Variants in LCOR observed in about 807,000 individuals in gnomAD.
LCOR encodes the protein ligand dependent nuclear receptor corepressor, also known as ligand-dependent corepressor.
A neutral mutation model predicts 64.4 loss-of-function variants in LCOR; 14 were observed. That is an observed-to-expected ratio of 0.22 (90% CI 0.14 to 0.34). The LOEUF is 0.34. Ranked by LOEUF, LCOR falls within the 10% of genes least tolerant of loss-of-function variation. LCOR has a pLI of 1.00. For synonymous variants in LCOR, 643 were observed against 642.5 expected (o/e 1.00, Z -0.01); for missense variants, 1,686 against 1,765.3 (o/e 0.96, Z 0.80).
chr10:96,971,910 A>G (rs1446074932), intron 7 of LCOR, among the ~76,000 whole-genome samples: 2 of 152,218 alleles, frequency 1.3e-5, no homozygotes, highest in Non-Finnish European at 2.9e-5. Flanking sequence ...GTGCCTACAC[A>G]TTCAGTTACA....
chr10:96,956,350 G>A (rs372547634), intron 7 of LCOR: 1 of 986,978 alleles, frequency 1.0e-6, no homozygotes, highest in African/African-American at 1.8e-5. Context: ...CTTTATCACT[G>A]CAAATTGGAA....
At chr10:96,848,454 T>G (rs1275847365) in intron 2 of LCOR, among the ~76,000 whole-genome samples, 4 of 152,182 alleles carry the variant, frequency 2.6e-5, no homozygotes, top group Non-Finnish European at 5.9e-5. Flanking sequence ...GGTCAGGAGT[T>G]GGAGACCAGC....
chr10:96,942,413 G>C (rs1055974853), intron 4 of LCOR, among the ~76,000 whole-genome samples: 9 of 152,066 alleles, frequency 5.9e-5, no homozygotes, highest in Admixed American at 4.6e-4. Context: ...GCTTTGGCTC[G>C]GCATCAGAGG....
At chr10:96,971,113 G>A (rs1439644758) in intron 7 of LCOR, among the ~76,000 whole-genome samples, 2 of 152,164 alleles carry the variant, frequency 1.3e-5, no homozygotes, top group Non-Finnish European at 2.9e-5. Context: ...AAGCCATTAT[G>A]TAAACCATTT....
chr10:96,847,181 C>T (rs1845644030), intron 2 of LCOR, among the ~76,000 whole-genome samples: 1 of 151,986 alleles, frequency 6.6e-6, no homozygotes, highest in Admixed American at 6.6e-5. Context: ...GAGGTCAAGC[C>T]TGCAGTGAGC....
At chr10:96,944,395 A>G (rs1847551706) in intron 5 of LCOR, 150 bp downstream of exon 5, 1 of 315,206 alleles carries the variant, frequency 3.2e-6, no homozygotes, top group Admixed American at 6.5e-5. Flanking sequence ...TCAAGTTCAA[A>G]TTGGAATTAG....
At chr10:96,956,000 G>A (rs1292465719) in intron 7 of LCOR, 25 of 1,521,272 alleles carry the variant, frequency 1.6e-5, no homozygotes, top group South Asian at 5.4e-5. Flanking sequence ...TTGCTTGCAC[G>A]TAATTTCATT....
chr10:96,965,522 C>G (rs556391349), intron 7 of LCOR, among the ~76,000 whole-genome samples: 1 of 150,328 alleles, frequency 6.7e-6, no homozygotes, highest in Non-Finnish European at 1.5e-5. Context: ...ATTAGCCGGG[C>G]GTGGTGGCGG....
At chr10:96,930,858 C>T (rs1210890066) in intron 4 of LCOR, among the ~76,000 whole-genome samples, 2 of 152,158 alleles carry the variant, frequency 1.3e-5, no homozygotes, top group Admixed American at 6.5e-5. Context: ...AAGGCCTTCA[C>T]CAGACACCGA....
intron 2 of LCOR, among the ~76,000 whole-genome samples, chr10:96,885,669 T>A (rs1408952996): frequency 6.6e-6 from 1 of 151,238 alleles, no homozygotes; most frequent in Non-Finnish European, 1.5e-5. Context: ...GTGCTGAGAT[T>A]ACAGGTGTGA....
chr10:96,952,721 C>T (rs1222364859), intron 7 of LCOR, among the ~76,000 whole-genome samples: 4 of 152,164 alleles, frequency 2.6e-5, no homozygotes, highest in African/African-American at 9.7e-5. Flanking sequence ...GACATTATTA[C>T]TTGCTCAGTT....
intron 2 of LCOR, among the ~76,000 whole-genome samples, chr10:96,906,675 A>G (rs1421160111): frequency 4.6e-5 from 7 of 152,148 alleles, no homozygotes; most frequent in African/African-American, 1.7e-4. Context: ...TGTATGTACA[A>G]TCAGTGGGGT....
intron 2 of LCOR, among the ~76,000 whole-genome samples, chr10:96,849,061 CTTTTTTTTTTTTTTTTTTTTT>C (rs67974828): frequency 5.9e-5 from 2 of 33,838 alleles, no homozygotes; most frequent in Non-Finnish European, 1.1e-4. Context: ...GGCTAATTGT[CTTTTTTTTTTTTTTTTTTTTT>C]TTTTTTTTTG....
chr10:96,878,553 A>G (rs925788250), intron 2 of LCOR, among the ~76,000 whole-genome samples: 4 of 152,138 alleles, frequency 2.6e-5, no homozygotes, highest in Admixed American at 1.3e-4. Context: ...ATTAACCAAG[A>G]AGGAGGAGAC....
chr10:96,900,680 A>G (rs1846618479), intron 2 of LCOR, among the ~76,000 whole-genome samples: 1 of 152,090 alleles, frequency 6.6e-6, no homozygotes, highest in Non-Finnish European at 1.5e-5. Context: ...TTCCCTTTTC[A>G]GGAGATCATT....
At chr10:96,947,371 GA>G (rs1847606537) in intron 5 of LCOR, among the ~76,000 whole-genome samples, 1 of 151,974 alleles carries the variant, frequency 6.6e-6, no homozygotes, top group African/African-American at 2.4e-5. Flanking sequence ...CCTTTCGGGG[GA>G]AAAAATTGCC....
At chr10:96,848,927 C>A (rs1426975416) in intron 2 of LCOR, among the ~76,000 whole-genome samples, 1 of 149,352 alleles carries the variant, frequency 6.7e-6, no homozygotes, top group East Asian at 2.0e-4. Flanking sequence ...TGTTTTTGTG[C>A]ATATAAAATA....
intron 5 of LCOR, 97 bp from the exon 6 acceptor site, chr10:96,948,911 A>C: frequency 1.1e-6 from 1 of 944,342 alleles, no homozygotes; most frequent in Non-Finnish European, 1.6e-6. Context: ...AGATAACTGC[A>C]TTTTAAGAAA....
intron 7 of LCOR, among the ~76,000 whole-genome samples, chr10:96,976,936 C>T (rs1848044814): frequency 6.6e-6 from 1 of 152,206 alleles, no homozygotes; most frequent in Non-Finnish European, 1.5e-5. Flanking sequence ...CCGTTTATCT[C>T]TTCAGTTTTT....
Sources: allele counts gnomAD v4.1 joint callset (sites outside exome capture counted in the v4.1 genomes callset), GRCh38; gene constraint gnomAD v4.1.1; transcripts MANE v1.5; gene names NCBI Gene and HGNC (gene_info 2026-07-23, HGNC 2026-07-21).